Variants in SLC12A7 observed in about 807,000 individuals in gnomAD.
SLC12A7 encodes solute carrier family 12 member 7, also known as K-Cl cotransporter 4.
SLC12A7 carries 100 observed loss-of-function variants against 120.6 expected under a neutral mutation model. That is an observed-to-expected ratio of 0.83 (90% CI 0.71 to 0.98). The LOEUF is 0.98. SLC12A7 is among the 50% of genes least tolerant of loss of function. The pLI, the probability that SLC12A7 is intolerant of heterozygous loss-of-function variation, is 0.00. For synonymous variants in SLC12A7, 760 were observed against 678.0 expected (o/e 1.12, Z -1.88); for missense variants, 1,373 against 1,548.1 (o/e 0.89, Z 1.90).
intron 7 of SLC12A7, 57 bp from the exon 8 acceptor site, chr5:1,084,013 C>T: frequency 6.7e-7 from 1 of 1,486,910 alleles, no homozygotes; most frequent in South Asian, 1.1e-5. Flanking sequence ...CTTTTACTGC[C>T]CCACCCAGCT....
chr5:1,093,466 G>A (rs988275808), intron 3 of SLC12A7, 67 bp downstream of exon 3: 88 of 1,323,018 alleles, frequency 6.7e-5, no homozygotes, highest in African/African-American at 1.2e-4. Flanking sequence ...CTGCCTTGCC[G>A]GCGTGATCTA....
chr5:1,127,592 GAT>G, the SLC12A7 span, among the ~76,000 whole-genome samples: 2 of 152,178 alleles, frequency 1.3e-5, no homozygotes, highest in Non-Finnish European at 2.9e-5. Flanking sequence ...GAAACTGATG[GAT>G]ATACAAATAC....
At chr5:1,092,598 C>T (rs1452498078) in intron 3 of SLC12A7, among the ~76,000 whole-genome samples, 2 of 152,182 alleles carry the variant, frequency 1.3e-5, no homozygotes, top group African/African-American at 2.4e-5. Context: ...ATGCCCTTAG[C>T]TGTCTGCCGA....
the SLC12A7 span, among the ~76,000 whole-genome samples, chr5:1,121,455 T>G: frequency 1.3e-5 from 2 of 152,158 alleles, no homozygotes; most frequent in African/African-American, 2.4e-5. Flanking sequence ...CCAAGCAGGA[T>G]CGTCACCCTC....
Position 1,053,390 on chromosome 5 carries a change from T to C in SLC12A7, c.3119A>G (p.Asn1040Ser). 6.2e-7 allele frequency: 1 copy of C among 1,613,980 alleles called. No individual in the cohort carries two copies. Among genetic ancestry groups the C allele is most frequent in the Non-Finnish European group, 8.5e-7 (1 of 1,179,988 alleles). ...KSQDAQLVLL[N>S]MPGPPKNRQG... ...CCGGTTTTTGGGAGGACCTGGCATG[T>C]TGAGCAGGACCAGCTGCGCATCCTG... Residue 1040 changes from asparagine to serine, a missense_variant, in exon 23 of 24, where the codon AAC (asparagine) becomes AGC (serine). Transcript: ENST00000264930.
chr5:1,076,051 C>A, intron 14 of SLC12A7, 87 bp downstream of exon 14: 1 of 1,138,634 alleles, frequency 8.8e-7, no homozygotes, highest in African/African-American at 1.6e-5. Context: ...GGGCTCCTGA[C>A]GCCTGTGCTG....
chr5:1,117,161 C>T, the SLC12A7 span, among the ~76,000 whole-genome samples: 1 of 151,942 alleles, frequency 6.6e-6, no homozygotes, highest in Non-Finnish European at 1.5e-5. The surrounding 1 kb of genome is among the most constrained non-coding windows in gnomAD (Gnocchi z 4.5). Context: ...GAGCGTACTG[C>T]GAGGGGCCAC....
rs746907325 is a variant in SLC12A7 at position 1,110,517 on chromosome 5, T to TAA, written c.124+1350_124+1351insTT. Among the ~76,000 whole-genome samples, 6 of 152,308 alleles carry TAA rather than the reference T, an allele frequency of 3.9e-5. No homozygotes were observed. In the East Asian group the frequency reaches 7.7e-4, roughly 20 times the overall value. The stretch of plus-strand genomic sequence containing the variant: ...CTCTGGCTTAAAAGCAAATGACACT[T>TAA]ACAGTCTAAAGACAAAAGTGAACCT... On this transcript the variant is annotated intron_variant, in intron 1 of 23. Coordinates refer to ENST00000264930, the MANE Select transcript of SLC12A7 (RefSeq NM_006598.3).
At chr5:1,140,824 A>G in the SLC12A7 span, among the ~76,000 whole-genome samples, 1 of 152,218 alleles carries the variant, frequency 6.6e-6, no homozygotes, top group Admixed American at 6.5e-5. Flanking sequence ...TGGTCACTGC[A>G]CCGGCATGAC....
At chr5:1,115,936 CT>C (rs764200065), upstream of SLC12A7, among the ~76,000 whole-genome samples, 96 of 141,116 alleles carry the variant, frequency 6.8e-4, no homozygotes, top group Admixed American at 8.9e-4. Flanking sequence ...AAAAACAAAC[CT>C]TTTTTTTTTT....
rs573400730 is a variant in SLC12A7 at position 1,057,948 on chromosome 5, C to T, written c.2848-299G>A. Among the ~76,000 whole-genome samples, 5 of 152,370 alleles carry T rather than the reference C, an allele frequency of 3.3e-5. No individual in the cohort carries two copies. The East Asian group carries it at 9.6e-4, about 29-fold the overall frequency. On this transcript the variant is annotated intron_variant, in intron 21 of 23. Transcript: ENST00000264930. ...TGACACGTGCTGGCAGAGTCTCCCC[C>T]TCACCTGACGGGGCTCCACACACGT...
At chr5:1,057,030 T>C (rs28416856) in intron 22 of SLC12A7, among the ~76,000 whole-genome samples, 119,151 of 152,244 alleles carry the variant, frequency 0.78, 50,551 homozygotes, top group Non-Finnish European at 0.94. Context: ...CTTGCCTGAG[T>C]AAAGCAGGCC....
intron 1 of SLC12A7, among the ~76,000 whole-genome samples, chr5:1,108,734 T>TGGCACCC (rs1439619491): frequency 6.6e-6 from 1 of 152,212 alleles, no homozygotes; most frequent in Non-Finnish European, 1.5e-5. Context: ...GTGCAGAGCA[T>TGGCACCC]GGCACCCAGC....
the SLC12A7 span, among the ~76,000 whole-genome samples, chr5:1,119,498 G>C: frequency 0.46 from 70,034 of 152,204 alleles, 16,459 homozygotes; most frequent in Non-Finnish European, 0.51. Flanking sequence ...CTCTGGTGCT[G>C]CCTTGGCTGC....
the SLC12A7 span, among the ~76,000 whole-genome samples, chr5:1,119,838 C>G: frequency 2.0e-5 from 3 of 152,250 alleles, no homozygotes; most frequent in Admixed American, 1.3e-4. Context: ...GGGCGGTGCC[C>G]AGCTTTGGGC....
rs1481257289 is a variant in SLC12A7 at position 1,076,359 on chromosome 5, T to G, written c.1749-123A>C. 15 of 534,670 alleles carry G rather than the reference T, an allele frequency of 2.8e-5. No individual in the cohort carries two copies. In the Admixed American group the frequency reaches 6.3e-4, roughly 22 times the overall value. 33.1% of individuals were successfully genotyped at this position (534,670 alleles called of 1,614,324 possible). On this transcript the variant is annotated intron_variant, in intron 13 of 23. Coordinates refer to ENST00000264930, the MANE Select transcript of SLC12A7 (RefSeq NM_006598.3). ...CCTGCGCCTTGTCTCCCCATGTCTG[T>G]CTCTGCACGTGAGCTGACTCAGACT...
the SLC12A7 span, among the ~76,000 whole-genome samples, chr5:1,139,321 G>A: frequency 6.6e-6 from 1 of 152,272 alleles, no homozygotes; most frequent in Non-Finnish European, 1.5e-5. Flanking sequence ...CCCAAGCCCA[G>A]CCCTGGTGGG....
chr5:1,139,233 G>T, the SLC12A7 span, among the ~76,000 whole-genome samples: 1 of 152,252 alleles, frequency 6.6e-6, no homozygotes, highest in African/African-American at 2.4e-5. Flanking sequence ...TGGCCTCCAC[G>T]GCAGCCGGCT....
At position 1,086,903 on chromosome 5, in the gene SLC12A7, C is replaced by G. The variant is rs746522562; in HGVS notation, c.675G>C (p.Leu225=). 27 of 1,612,486 alleles carry G rather than the reference C, an allele frequency of 1.7e-5. No homozygotes were observed. Among genetic ancestry groups the G allele is most frequent in the Non-Finnish European group, 2.1e-5 (25 of 1,179,658 alleles). ...MYILGTIEIF[L]TYISPGAAIF... ...AACCCTTCCAAAGCAGCACACTTAC[C>G]AGAAAAATCTCGATGGTCCCCAAAA... Residue 225 remains leucine (L), a splice_region_variant and synonymous_variant, in exon 6 of 24, where the codon CTG becomes CTC. Transcript: ENST00000264930.
Sources: allele counts gnomAD v4.1 joint callset (sites outside exome capture counted in the v4.1 genomes callset), GRCh38; gene constraint gnomAD v4.1.1; non-coding constraint Gnocchi (gnomAD v3.1); transcripts MANE v1.5; gene names NCBI Gene and HGNC (gene_info 2026-07-23, HGNC 2026-07-21).